KLHDC4: variants seen among roughly 807,000 people sequenced by gnomAD.
KLHDC4 encodes the protein kelch domain containing 4, also known as kelch domain-containing protein 4.
KLHDC4 carries 90 observed loss-of-function variants against 62.4 expected under a neutral mutation model. That is an observed-to-expected ratio of 1.44 (90% CI 1.22 to 1.72). KLHDC4 has a LOEUF of 1.72. Among genes scored for constraint, KLHDC4 ranks in the 40% most tolerant of loss-of-function variants. The pLI, the probability that KLHDC4 is intolerant of heterozygous loss-of-function variation, is 0.00. For missense variants in KLHDC4, 1,025 were observed against 699.7 expected, an observed-to-expected ratio of 1.47 and a Z score of -5.25; for synonymous variants, 386 against 284.4, an observed-to-expected ratio of 1.36 and a Z score of -3.59.
intron 2 of KLHDC4, 96 bp downstream of exon 2, chr16:87,761,853 T>C: frequency 8.8e-7 from 1 of 1,131,562 alleles, no homozygotes; most frequent in Non-Finnish European, 1.3e-6. Context: ...ATGTCCCAAG[T>C]GCCTGGTCAT....
intron 5 of KLHDC4, among the ~76,000 whole-genome samples, chr16:87,745,886 A>G (rs1471813342): frequency 6.6e-6 from 1 of 152,216 alleles, no homozygotes; most frequent in African/African-American, 2.4e-5. Flanking sequence ...TAACAACTGA[A>G]TAAGGCTCAA....
intron 3 of KLHDC4, chr16:87,755,616 G>C: frequency 8.8e-6 from 2 of 226,506 alleles, no homozygotes; most frequent in Non-Finnish European, 1.8e-5. Flanking sequence ...GCCCACAATG[G>C]AGTGCAATGG....
intron 5 of KLHDC4, among the ~76,000 whole-genome samples, chr16:87,736,471 G>C (rs575993090): frequency 6.6e-6 from 1 of 152,178 alleles, no homozygotes; most frequent in Non-Finnish European, 1.5e-5. Context: ...CCTCAGACTA[G>C]AGAGCCCCTG....
intron 5 of KLHDC4, among the ~76,000 whole-genome samples, chr16:87,736,075 C>T (rs769466409): frequency 4.6e-5 from 7 of 152,218 alleles, no homozygotes; most frequent in Admixed American, 2.0e-4. Context: ...ATGACAGAGA[C>T]GGGTTCTGGG....
intron 3 of KLHDC4, 122 bp from the exon 4 acceptor site, chr16:87,755,414 CA>C: frequency 3.4e-6 from 2 of 592,714 alleles, no homozygotes; most frequent in Non-Finnish European, 6.1e-6. Flanking sequence ...TAAACCATAC[CA>C]GCACAGGGAG....
At chr16:87,712,932 G>A (rs971030177) in intron 8 of KLHDC4, among the ~76,000 whole-genome samples, 4 of 152,226 alleles carry the variant, frequency 2.6e-5, no homozygotes, top group South Asian at 4.1e-4. Flanking sequence ...GTTTCCTAAC[G>A]GCACTGGGGA....
chr16:87,729,665 A>C (rs953873074), intron 6 of KLHDC4, among the ~76,000 whole-genome samples: 5 of 152,266 alleles, frequency 3.3e-5, no homozygotes, highest in African/African-American at 9.6e-5. Flanking sequence ...TGCCAGCTGC[A>C]CGAACACCCA....
chr16:87,721,342 G>A (rs894638327), intron 7 of KLHDC4, among the ~76,000 whole-genome samples: 13 of 151,392 alleles, frequency 8.6e-5, no homozygotes, highest in African/African-American at 3.2e-4. Flanking sequence ...TGAACCCGGT[G>A]GGTGGAGCTT....
rs376372386 is a variant in KLHDC4 at position 87,739,380 on chromosome 16, G to C, written c.507-8736C>G. ...ATCTCATCCATCCACACACCAGCAC[G>C]TCATCCATCCACACACCAGCACCTC... On this transcript the variant is annotated intron_variant, in intron 5 of 11. Coordinates refer to ENST00000270583, the MANE Select transcript of KLHDC4 (RefSeq NM_017566.4). Among the ~76,000 whole-genome samples the C allele has an allele frequency of 3.1e-3, 233 of 75,636 alleles. 3 individuals carry two copies. The Middle Eastern group carries it at 0.035, about 11-fold the overall frequency. 49.6% of individuals were successfully genotyped at this position (75,636 alleles called of 152,430 possible).
At chr16:87,765,533 G>A (rs775078777) in intron 1 of KLHDC4, among the ~76,000 whole-genome samples, 16 of 152,116 alleles carry the variant, frequency 1.1e-4, no homozygotes, top group Non-Finnish European at 2.2e-4. Context: ...AAAAACGCCC[G>A]TGACACCACA....
intron 2 of KLHDC4, among the ~76,000 whole-genome samples, chr16:87,758,815 G>A (rs1259338848): frequency 6.6e-6 from 1 of 152,212 alleles, no homozygotes; most frequent in African/African-American, 2.4e-5. Flanking sequence ...GTTGCAACTG[G>A]TTAGTGCTAA....
At position 87,709,536 on chromosome 16, in the gene KLHDC4, A is replaced by G. The variant is rs373033633; in HGVS notation, c.1176T>C (p.Asp392=). The G allele has an allele frequency of 4.2e-5, 67 of 1,612,434 alleles. No individual in the cohort carries two copies. In the African/African-American group the frequency reaches 8.4e-4, roughly 20 times the overall value. Residue 392 remains aspartate (D), a synonymous_variant, in exon 10 of 12, where the codon GAT becomes GAC. Coordinates refer to ENST00000270583, the MANE Select transcript of KLHDC4 (RefSeq NM_017566.4). ...CCTGCTTAATGGTGACCACGGTGCC[A>G]TCCTCGGCCACCACCTCCTTGACCA... is the stretch of plus-strand genomic sequence containing the variant. ...VQLVKEVVAE[D]GTVVTIKQVL...
rs543062221 is a variant in KLHDC4 at position 87,741,428 on chromosome 16, A to C, written c.506+7245T>G. Reference sequence around the variant, plus strand: ...AGCAGCAGCAGCATTAGACTCTCACAGGAGTGAGAACCCTGTTGTGGGCTG... The same window carrying C: ...AGCAGCAGCAGCATTAGACTCTCACCGGAGTGAGAACCCTGTTGTGGGCTG... On this transcript the variant is annotated intron_variant, in intron 5 of 11. Transcript: ENST00000270583. Among the ~76,000 whole-genome samples, 8 of 152,332 alleles carry C rather than the reference A, an allele frequency of 5.3e-5. No individual in the cohort carries two copies. In the South Asian group the frequency reaches 1.7e-3, roughly 32 times the overall value.
intron 5 of KLHDC4, among the ~76,000 whole-genome samples, chr16:87,733,665 CCT>C: frequency 7.4e-6 from 1 of 134,272 alleles, no homozygotes; most frequent in African/African-American, 2.8e-5. Context: ...GAATCCACTC[CCT>C]GGGATCCTCA....
intron 4 of KLHDC4, among the ~76,000 whole-genome samples, chr16:87,753,755 C>T (rs1009204670): frequency 2.0e-5 from 3 of 147,514 alleles, no homozygotes; most frequent in South Asian, 2.2e-4. Context: ...GAGCCAAGAT[C>T]GCGCCACTGC....
intron 5 of KLHDC4, among the ~76,000 whole-genome samples, chr16:87,736,694 C>T (rs2041374515): frequency 6.6e-6 from 1 of 152,212 alleles, no homozygotes; most frequent in South Asian, 2.1e-4. Context: ...AAACCACACC[C>T]TTGTCTCATC....
chr16:87,704,053 G>C (rs1007365491), downstream of KLHDC4, among the ~76,000 whole-genome samples: 4 of 152,218 alleles, frequency 2.6e-5, no homozygotes, highest in African/African-American at 9.6e-5. Flanking sequence ...CACAGCTAGA[G>C]CTCGGCTCCT....
At position 87,716,022 on chromosome 16, in the gene KLHDC4, T is replaced by C. The variant is rs115306175; in HGVS notation, c.760-1449A>G. Among the ~76,000 whole-genome samples the C allele has an allele frequency of 9.1e-3, 1,379 of 152,248 alleles. 26 individuals carry two copies. The highest frequency in any genetic ancestry group is 0.031 in the African/African-American group (1,306 of 41,528). Reference sequence around the variant, plus strand: ...CATTCTAAGGTCTTGTGGATATTTATGCAGACTTTGGGTAGGCTCTATGTC... The same window carrying C: ...CATTCTAAGGTCTTGTGGATATTTACGCAGACTTTGGGTAGGCTCTATGTC... On this transcript the variant is annotated intron_variant, in intron 7 of 11. Transcript: ENST00000270583.
chr16:87,754,176 C>T (rs1362449321), intron 4 of KLHDC4, among the ~76,000 whole-genome samples: 2 of 151,698 alleles, frequency 1.3e-5, no homozygotes, highest in African/African-American at 2.4e-5. Flanking sequence ...GTAGAAGGCA[C>T]CTTAGCCACC....
Sources: allele counts gnomAD v4.1 joint callset (sites outside exome capture counted in the v4.1 genomes callset), GRCh38; gene constraint gnomAD v4.1.1; transcripts MANE v1.5; gene names NCBI Gene and HGNC (gene_info 2026-07-23, HGNC 2026-07-21).